The following PIK3R1 variants were observed in gnomAD, a reference collection of about 807,000 sequenced individuals.
PIK3R1 encodes the protein phosphoinositide-3-kinase regulatory subunit 1, also known as phosphatidylinositol 3-kinase regulatory subunit alpha.
A neutral mutation model predicts 98.0 loss-of-function variants in PIK3R1; 29 were observed. That is an observed-to-expected ratio of 0.30 (90% CI 0.22 to 0.40). The LOEUF (loss-of-function observed/expected upper bound fraction) is 0.40. Among genes scored for constraint, PIK3R1 ranks in the 10% least tolerant of loss-of-function variants. PIK3R1 has a pLI of 1.00. For missense variants in PIK3R1, 596 were observed against 872.7 expected, an observed-to-expected ratio of 0.68 and a Z score of 3.99; for synonymous variants, 282 against 311.8, an observed-to-expected ratio of 0.90 and a Z score of 1.01.
intron 7 of PIK3R1, among the ~76,000 whole-genome samples, chr5:68,283,525 A>G (rs1746943181): frequency 6.6e-6 from 1 of 152,262 alleles, no homozygotes; most frequent in Non-Finnish European, 1.5e-5. Context: ...TACAATTTGA[A>G]TAGGCAAAGG....
intron 1 of PIK3R1, among the ~76,000 whole-genome samples, chr5:68,223,584 C>G (rs1366585522): frequency 6.6e-6 from 1 of 152,002 alleles, no homozygotes; most frequent in Non-Finnish European, 1.5e-5. Flanking sequence ...AGATGAGGAC[C>G]CAGAGTTCTG....
In PIK3R1 at chr5:68,295,202, T is replaced by C; in HGVS notation, c.1623T>C (p.Ser541=). The C allele has an allele frequency of 6.2e-7, 1 of 1,613,852 alleles. No homozygotes were observed. ...CTCGAATCAGTGAAATTATTGACAGTAGAAGAAGATTGGAAGAAGACTTGA... is the reference window on the plus strand; with the variant it reads ...CTCGAATCAGTGAAATTATTGACAGCAGAAGAAGATTGGAAGAAGACTTGA... ...LKSRISEIID[S]RRRLEEDLKK... Residue 541 remains serine (S), a synonymous_variant, in exon 13 of 16, where the codon AGT becomes AGC. Transcript: ENST00000521381.
Position 68,298,225 on chromosome 5 carries a change from T to C in PIK3R1, c.*624T>C, listed in dbSNP as rs1747840552. The C allele has an allele frequency of 4.3e-6, 1 of 232,950 alleles. No individual in the cohort carries two copies. The highest frequency in any genetic ancestry group is 8.5e-6 in the Non-Finnish European group (1 of 117,612). The allele number at this position is 232,950 out of a possible 1,614,324, so 14.4% of individuals were successfully genotyped here. On this transcript the variant is annotated 3_prime_UTR_variant, in exon 16 of 16. Coordinates refer to ENST00000521381, the MANE Select transcript of PIK3R1 (RefSeq NM_181523.3). ...GTCATAGAAAGTGCCAGAAAGTGTT[T>C]AACTTGTCAAAAAACAAAAACCCAG...
intron 2 of PIK3R1, among the ~76,000 whole-genome samples, chr5:68,248,465 T>G (rs957413203): frequency 6.6e-6 from 1 of 152,212 alleles, no homozygotes; most frequent in African/African-American, 2.4e-5. Context: ...TTGAGAAAAT[T>G]AAGATTACCA....
intron 9 of PIK3R1, 33 bp from the exon 10 acceptor site, chr5:68,293,270 G>A (rs2112256334): frequency 1.3e-6 from 2 of 1,598,500 alleles, no homozygotes; most frequent in Non-Finnish European, 1.7e-6. Flanking sequence ...ATTCCAAAAT[G>A]TTAATACCTT....
intron 7 of PIK3R1, chr5:68,288,465 G>T: frequency 7.7e-7 from 1 of 1,293,516 alleles, no homozygotes; most frequent in Non-Finnish European, 9.8e-7. Context: ...CCGGCAGTGA[G>T]CGGCGGTGGC....
At chr5:68,283,015 A>G (rs1746913676) in intron 7 of PIK3R1, among the ~76,000 whole-genome samples, 2 of 152,354 alleles carry the variant, frequency 1.3e-5, no homozygotes, top group African/African-American at 2.4e-5. Context: ...GTATTCAGGA[A>G]TGGCTCCAGT....
chr5:68,256,948 G>A (rs914454763), intron 2 of PIK3R1, among the ~76,000 whole-genome samples: 1 of 152,156 alleles, frequency 6.6e-6, no homozygotes, highest in African/African-American at 2.4e-5. Flanking sequence ...GTGGTACAGA[G>A]CATGTGTCTC....
At chr5:68,253,794 C>G (rs1488924294) in intron 2 of PIK3R1, among the ~76,000 whole-genome samples, 4 of 152,108 alleles carry the variant, frequency 2.6e-5, no homozygotes, top group Non-Finnish European at 5.9e-5. Context: ...TATTACAGTT[C>G]TTTATGATAA....
At chr5:68,296,765 T>G (rs1439288107) in intron 15 of PIK3R1, among the ~76,000 whole-genome samples, 1 of 152,172 alleles carries the variant, frequency 6.6e-6, no homozygotes, top group Non-Finnish European at 1.5e-5. Flanking sequence ...AAAAAAGGAT[T>G]CTGATCATTA....
chr5:68,230,703 CT>C (rs1411375398), intron 2 of PIK3R1, among the ~76,000 whole-genome samples: 1 of 152,184 alleles, frequency 6.6e-6, no homozygotes, highest in Admixed American at 6.5e-5. Context: ...AGTAGAGGGG[CT>C]GTCATGGTCA....
Position 68,226,506 on chromosome 5 carries a change from T to C in PIK3R1, c.-170T>C, listed in dbSNP as rs903816707. 4 of 593,858 alleles carry C rather than the reference T, an allele frequency of 6.7e-6. No homozygotes were observed. Among genetic ancestry groups the C allele is most frequent in the Non-Finnish European group, 1.2e-5 (4 of 338,088 alleles). 36.8% of individuals were successfully genotyped at this position (593,858 alleles called of 1,614,324 possible). A position where few individuals can be genotyped will look rare whatever the true frequency, so the allele number is the denominator to read the frequency against. Reference sequence around the variant, plus strand: ...TTGATGGAGGACAGATGGACAGCCGTATGGCCAGTCACCTCTCCTCTTAAA... The same window carrying C: ...TTGATGGAGGACAGATGGACAGCCGCATGGCCAGTCACCTCTCCTCTTAAA... On this transcript the variant is annotated 5_prime_UTR_variant, in exon 2 of 16. Coordinates refer to ENST00000521381, the MANE Select transcript of PIK3R1 (RefSeq NM_181523.3).
chr5:68,267,445 A>C (rs1453044190), intron 2 of PIK3R1, among the ~76,000 whole-genome samples: 1 of 152,222 alleles, frequency 6.6e-6, no homozygotes, highest in Non-Finnish European at 1.5e-5. Flanking sequence ...GATAAATGAG[A>C]GAAGATAAAC....
At position 68,297,624 on chromosome 5, in the gene PIK3R1, T is replaced by C; in HGVS notation, c.*23T>C. ...TGAAGCGCTTACTCTTTGATCCTTCTCCTGAAGTTCAGCCACCCTGAGGCC... is the reference window on the plus strand; with the variant it reads ...TGAAGCGCTTACTCTTTGATCCTTCCCCTGAAGTTCAGCCACCCTGAGGCC... On this transcript the variant is annotated 3_prime_UTR_variant, in exon 16 of 16. Transcript: ENST00000521381. 6.2e-7 allele frequency: 1 copy of C among 1,606,726 alleles called. No individual in the cohort carries two copies. Among genetic ancestry groups the C allele is most frequent in the South Asian group, 1.1e-5 (1 of 90,234 alleles).
At chr5:68,222,043 T>C (rs1359188931) in intron 1 of PIK3R1, among the ~76,000 whole-genome samples, 2 of 152,256 alleles carry the variant, frequency 1.3e-5, no homozygotes, top group African/African-American at 4.8e-5. Context: ...AAAACTGCCT[T>C]GGTTATTTGA....
chr5:68,259,150 T>A (rs992700370), intron 2 of PIK3R1, among the ~76,000 whole-genome samples: 5 of 152,212 alleles, frequency 3.3e-5, no homozygotes, highest in African/African-American at 1.2e-4. Flanking sequence ...GAAAGGTGGC[T>A]GCTATAAATT....
At chr5:68,247,380 T>C (rs1745139723) in intron 2 of PIK3R1, among the ~76,000 whole-genome samples, 3 of 152,172 alleles carry the variant, frequency 2.0e-5, no homozygotes, top group Admixed American at 1.3e-4. Context: ...CTAACTGCAG[T>C]CTGAACCTCC....
intron 7 of PIK3R1, among the ~76,000 whole-genome samples, chr5:68,284,022 T>TG: frequency 6.6e-6 from 1 of 152,132 alleles, no homozygotes; most frequent in Non-Finnish European, 1.5e-5. Context: ...AGCTGTGCAG[T>TG]GGAAAAAAAA....
intron 2 of PIK3R1, among the ~76,000 whole-genome samples, chr5:68,269,822 A>C (rs938816909): frequency 1.6e-4 from 24 of 152,262 alleles, no homozygotes; most frequent in African/African-American, 5.3e-4. Context: ...TATTTTAAAG[A>C]GGAAATGGAT....
Sources: allele counts gnomAD v4.1 joint callset (sites outside exome capture counted in the v4.1 genomes callset), GRCh38; gene constraint gnomAD v4.1.1; transcripts MANE v1.5; gene names NCBI Gene and HGNC (gene_info 2026-07-23, HGNC 2026-07-21).